Variants in NOL4L observed in about 807,000 individuals in gnomAD.
The protein encoded by NOL4L is nucleolar protein 4 like.
A neutral mutation model predicts 64.5 loss-of-function variants in NOL4L; 7 were observed. That is an observed-to-expected ratio of 0.11 (90% CI 0.06 to 0.20). The LOEUF (loss-of-function observed/expected upper bound fraction) is 0.20, where lower values mean the gene tolerates loss of function less well. Among genes scored for constraint, NOL4L ranks in the 10% least tolerant of loss-of-function variants. The pLI is 1.00. For synonymous variants in NOL4L, 413 were observed against 401.0 expected (o/e 1.03, Z -0.36); for missense variants, 680 against 967.1 (o/e 0.70, Z 3.94).
At chr20:32,485,058 CAAAAAAAA>C (rs57444583) in intron 4 of NOL4L, among the ~76,000 whole-genome samples, 866 of 17,812 alleles carry the variant, frequency 0.049, 7 homozygotes, top group Non-Finnish European at 0.076. Flanking sequence ...GGGAAATTGC[CAAAAAAAA>C]AAAAAAAAAA....
At chr20:32,509,819 A>G in intron 4 of NOL4L, 5 of 1,304,114 alleles carry the variant, frequency 3.8e-6, no homozygotes, top group Non-Finnish European at 5.1e-6. Context: ...TCTGTATGAA[A>G]CAAAACCAGG....
In NOL4L at chr20:32,464,474, C is replaced by T. The variant is rs1412989303; in HGVS notation, c.842-8079G>A. On this transcript the variant is annotated intron_variant, in intron 5 of 10. Transcript: ENST00000621426. This position sits in a 1 kb window ranked among gnomAD's most constrained non-coding sequence, Gnocchi z 5.6. ...TCCCTGTGGTTCACACAGCCTGGCC[C>T]GGCCCCAGCCACGGAGCAGGGAGCC... is the stretch of plus-strand genomic sequence containing the variant. Among the ~76,000 whole-genome samples the T allele has an allele frequency of 3.9e-5, 6 of 152,242 alleles. No individual in the cohort carries two copies. Among genetic ancestry groups the T allele is most frequent in the Non-Finnish European group, 8.8e-5 (6 of 68,034 alleles).
chr20:32,466,477 T>C (rs935956963), intron 5 of NOL4L, among the ~76,000 whole-genome samples: 1 of 152,168 alleles, frequency 6.6e-6, no homozygotes. Flanking sequence ...GCCCAGCTGA[T>C]GATGGACACT....
chr20:32,527,419 C>T (rs887903989), intron 2 of NOL4L, among the ~76,000 whole-genome samples: 3 of 152,136 alleles, frequency 2.0e-5, no homozygotes, highest in African/African-American at 7.2e-5. Context: ...ACCCCAGCCC[C>T]AGAACAGGCT....
In NOL4L at chr20:32,566,125, T is replaced by C. The variant is rs117576509; in HGVS notation, c.321+18445A>G. Among the ~76,000 whole-genome samples, 82 of 152,282 alleles carry C rather than the reference T, an allele frequency of 5.4e-4. No individual in the cohort carries two copies. In the East Asian group the frequency reaches 0.015, roughly 27 times the overall value. On this transcript the variant is annotated intron_variant, in intron 1 of 10. Transcript: ENST00000621426. Reference sequence around the variant, plus strand: ...TCAGGCTGGGCACTTACACACATGCTTCCCAGAGTGGTCTCTGTAAGTCCC... The same window carrying C: ...TCAGGCTGGGCACTTACACACATGCCTCCCAGAGTGGTCTCTGTAAGTCCC...
Position 32,453,833 on chromosome 20 carries a change from G to A in NOL4L, c.1120-72C>T, listed in dbSNP as rs1253666377. 16 of 1,432,356 alleles carry A rather than the reference G, an allele frequency of 1.1e-5. No homozygotes were observed. Among genetic ancestry groups the A allele is most frequent in the Admixed American group, 6.1e-5 (3 of 49,110 alleles). The allele number at this position is 1,432,356 out of a possible 1,614,324, so 88.7% of individuals were successfully genotyped here. On this transcript the variant is annotated intron_variant, in intron 6 of 10. Coordinates refer to ENST00000621426, the MANE Select transcript of NOL4L (RefSeq NM_001256798.2). This position sits in a 1 kb window ranked among gnomAD's most constrained non-coding sequence, Gnocchi z 5.6. ...AGCCCTTGCTGGGTCTCCTACAGGC[G>A]GTGAGCTTGGGGACCAGGGTGGCAC...
At chr20:32,569,330 T>C (rs1979624531) in intron 1 of NOL4L, among the ~76,000 whole-genome samples, 1 of 152,238 alleles carries the variant, frequency 6.6e-6, no homozygotes, top group African/African-American at 2.4e-5. Context: ...ATGGTGACTT[T>C]TGCTCAGAGA....
chr20:32,508,426 A>G (rs751233226), intron 4 of NOL4L, among the ~76,000 whole-genome samples: 3 of 152,230 alleles, frequency 2.0e-5, no homozygotes, highest in Non-Finnish European at 2.9e-5. Context: ...CCACGTGCCC[A>G]GCCATAAAAC....
chr20:32,479,332 C>A (rs2145491535), intron 4 of NOL4L, among the ~76,000 whole-genome samples: 1 of 152,374 alleles, frequency 6.6e-6, no homozygotes, highest in Admixed American at 6.5e-5. Context: ...CTGGCTCACC[C>A]AGAGGTCACA....
Position 32,520,872 on chromosome 20 carries a change from C to T in NOL4L, c.528G>A (p.Leu176=). The T allele has an allele frequency of 6.4e-7, 1 of 1,550,724 alleles. No individual in the cohort carries two copies. The highest frequency in any genetic ancestry group is 1.4e-5 in the African/African-American group (1 of 73,158). Residue 176 remains leucine (L), a synonymous_variant, in exon 3 of 11, where the codon CTG becomes CTA. Transcript: ENST00000621426. ...FLPREAVTRF[L]MSCTECQKRM... is the part of the protein sequence containing the mutation. ...TCTTCTGACACTCCGTACAGCTCAT[C>T]AGGAACCGGGTCACGGCCTCTCTCG...
intron 5 of NOL4L, among the ~76,000 whole-genome samples, chr20:32,471,338 C>T (rs867349180): frequency 4.0e-5 from 6 of 149,012 alleles, no homozygotes; most frequent in Non-Finnish European, 8.9e-5. Context: ...ACACTCATCC[C>T]GGTAGAGGCT....
intron 6 of NOL4L, among the ~76,000 whole-genome samples, chr20:32,455,530 T>C (rs2013405509): frequency 6.6e-6 from 1 of 152,172 alleles, no homozygotes; most frequent in Admixed American, 6.5e-5. Context: ...GAAGAGGCAC[T>C]ACTACAGGAA....
chr20:32,475,753 AC>A (rs1382597042), intron 4 of NOL4L, among the ~76,000 whole-genome samples: 2 of 151,616 alleles, frequency 1.3e-5, no homozygotes, highest in African/African-American at 2.4e-5. Flanking sequence ...CTGACAGAGC[AC>A]CCCCCAAGCC....
intron 1 of NOL4L, among the ~76,000 whole-genome samples, chr20:32,572,942 A>G (rs1272025594): frequency 1.3e-5 from 2 of 152,080 alleles, no homozygotes; most frequent in Non-Finnish European, 2.9e-5. Flanking sequence ...ATAAGCAGAG[A>G]GCAGTTCTTG....
chr20:32,478,727 C>G (rs1292868281), intron 4 of NOL4L, among the ~76,000 whole-genome samples: 2 of 152,158 alleles, frequency 1.3e-5, no homozygotes, highest in African/African-American at 4.8e-5. Flanking sequence ...GAGGAGCTGG[C>G]ACTACAGGCA....
At chr20:32,527,689 T>G (rs1054804280) in intron 2 of NOL4L, 69 bp downstream of exon 2, 20 of 1,477,516 alleles carry the variant, frequency 1.4e-5, no homozygotes, top group Non-Finnish European at 1.8e-5. Flanking sequence ...AAGCCCAACA[T>G]GTGCGGAGCC....
intron 5 of NOL4L, 135 bp from the exon 6 acceptor site, chr20:32,456,530 G>A (rs2013548590): frequency 2.2e-6 from 2 of 890,784 alleles, no homozygotes; most frequent in African/African-American, 3.5e-5. Context: ...CACCTCAGAG[G>A]CAATTTGCCC....
At chr20:32,536,501 AG>A (rs1178389211) in intron 1 of NOL4L, 1 of 69,956 alleles carries the variant, frequency 1.4e-5, no homozygotes, top group East Asian at 4.4e-4. Flanking sequence ...GGCGGGGGCG[AG>A]GCGGCCGCGC....
rs146884834 is a variant in NOL4L, at chr20:32,508,730, C to A, written c.699+2617G>T. On this transcript the variant is annotated intron_variant, in intron 4 of 10. Coordinates refer to ENST00000621426, the MANE Select transcript of NOL4L (RefSeq NM_001256798.2). ...TGCCCCAGCTGGACTCCCAGAACACCCTGGAGACAAATGCCCTCCACAGTC... is the reference window on the plus strand; with the variant it reads ...TGCCCCAGCTGGACTCCCAGAACACACTGGAGACAAATGCCCTCCACAGTC... Among the ~76,000 whole-genome samples the A allele has an allele frequency of 1.3e-3, 200 of 152,340 alleles. 1 individual carries two copies. In the Middle Eastern group the frequency reaches 0.014, roughly 10 times the overall value.
Sources: allele counts gnomAD v4.1 joint callset (sites outside exome capture counted in the v4.1 genomes callset), GRCh38; gene constraint gnomAD v4.1.1; non-coding constraint Gnocchi (gnomAD v3.1); transcripts MANE v1.5; gene names NCBI Gene and HGNC (gene_info 2026-07-23, HGNC 2026-07-21).